Variants in NRXN3 observed in about 807,000 individuals in gnomAD.
NRXN3 encodes neurexin 3.
NRXN3 carries 32 observed loss-of-function variants against 137.6 expected under a neutral mutation model. The observed-to-expected ratio is 0.23, with a 90% CI of 0.18 to 0.31. NRXN3 has a LOEUF of 0.31. Ranked by LOEUF, NRXN3 falls within the 10% of genes least tolerant of loss-of-function variation. NRXN3 has a pLI of 1.00. For missense variants in NRXN3, 1,574 were observed against 2,062.5 expected (o/e 0.76, Z 4.59); for synonymous variants, 798 against 784.5 (o/e 1.02, Z -0.29).
chr14:79,748,567 C>G (rs1234819114), intron 19 of NRXN3, among the ~76,000 whole-genome samples: 1 of 152,100 alleles, frequency 6.6e-6, no homozygotes, highest in South Asian at 2.1e-4. Flanking sequence ...TGCTTGCCTC[C>G]TGCACAGTGC....
intron 15 of NRXN3, among the ~76,000 whole-genome samples, chr14:79,308,856 T>C (rs1005279793): frequency 1.0e-4 from 15 of 148,450 alleles, no homozygotes; most frequent in African/African-American, 3.7e-4. Flanking sequence ...TTTTTTTTTT[T>C]TTTTTTGTGA....
chr14:78,222,043 C>G (rs1412088353), intron 1 of NRXN3, among the ~76,000 whole-genome samples: 1 of 152,140 alleles, frequency 6.6e-6, no homozygotes, highest in Non-Finnish European at 1.5e-5. Context: ...GCATGAGGCC[C>G]TTGAATGATG....
chr14:79,293,817 T>C (rs1435659102), intron 15 of NRXN3, among the ~76,000 whole-genome samples: 1 of 152,220 alleles, frequency 6.6e-6, no homozygotes, highest in African/African-American at 2.4e-5. Flanking sequence ...AGAGGGGAAA[T>C]TCAGCATGCT....
At chr14:78,988,187 G>T (rs200268883) in intron 15 of NRXN3, 46 bp downstream of exon 15, 151 of 1,609,322 alleles carry the variant, frequency 9.4e-5, no homozygotes, top group Non-Finnish European at 1.3e-4. Flanking sequence ...AAGATGTTTG[G>T]AGATTTGGAG....
chr14:78,524,560 G>C (rs1366479406), intron 4 of NRXN3, among the ~76,000 whole-genome samples: 1 of 151,960 alleles, frequency 6.6e-6, no homozygotes, highest in Non-Finnish European at 1.5e-5. Context: ...TAGGGTGCAG[G>C]AATTTTTTTT....
At chr14:78,987,851 G>A (rs2099510235) in intron 14 of NRXN3, among the ~76,000 whole-genome samples, 171 bp from the exon 15 acceptor site, 1 of 152,128 alleles carries the variant, frequency 6.6e-6, no homozygotes, top group African/African-American at 2.4e-5. Context: ...GTCATCTTTT[G>A]TATATACTGA....
chr14:79,543,480 G>A (rs1370087945), intron 16 of NRXN3, among the ~76,000 whole-genome samples: 2 of 152,138 alleles, frequency 1.3e-5, no homozygotes, highest in Non-Finnish European at 2.9e-5. Context: ...AGGTTCTAGG[G>A]CCTGTGGTTT....
At chr14:78,743,461 C>T (rs1016414094) in intron 8 of NRXN3, among the ~76,000 whole-genome samples, 1 of 152,178 alleles carries the variant, frequency 6.6e-6, no homozygotes, top group African/African-American at 2.4e-5. Context: ...TTTTGTCTGC[C>T]TGGATAACTC....
chr14:78,924,453 C>G (rs1597433555), intron 10 of NRXN3, among the ~76,000 whole-genome samples: 1 of 152,204 alleles, frequency 6.6e-6, no homozygotes, highest in East Asian at 1.9e-4. Context: ...ACATAAAATA[C>G]AGACACCAGG....
chr14:79,701,358 A>G (rs544716755), intron 19 of NRXN3, among the ~76,000 whole-genome samples: 25 of 152,232 alleles, frequency 1.6e-4, no homozygotes, highest in African/African-American at 5.8e-4. Flanking sequence ...AAATTTGGGC[A>G]CAGTTCAGCA....
At chr14:79,753,280 T>G (rs1183795211) in intron 19 of NRXN3, among the ~76,000 whole-genome samples, 1 of 151,888 alleles carries the variant, frequency 6.6e-6, no homozygotes, top group Non-Finnish European at 1.5e-5. Context: ...CGTATGTTTA[T>G]TGCGGCACTA....
intron 20 of NRXN3, among the ~76,000 whole-genome samples, chr14:79,852,279 A>C (rs897327145): frequency 4.3e-5 from 6 of 140,456 alleles, no homozygotes; most frequent in African/African-American, 1.4e-4. Flanking sequence ...ACACACACAC[A>C]CCTCTCACAT....
At chr14:79,076,004 C>T (rs1446226392) in intron 15 of NRXN3, among the ~76,000 whole-genome samples, 2 of 152,190 alleles carry the variant, frequency 1.3e-5, no homozygotes, top group African/African-American at 2.4e-5. Flanking sequence ...CTGTACTAGT[C>T]AAGCACCTCC....
intron 6 of NRXN3, among the ~76,000 whole-genome samples, chr14:78,678,319 C>CTTTTTT (rs398025853): frequency 4.9e-5 from 7 of 143,230 alleles, no homozygotes; most frequent in Admixed American, 4.2e-4. Flanking sequence ...ATGCTCCATA[C>CTTTTTT]TTTTTTTTTT....
intron 10 of NRXN3, among the ~76,000 whole-genome samples, chr14:78,842,684 G>T (rs1411897788): frequency 6.6e-6 from 1 of 152,054 alleles, no homozygotes; most frequent in African/African-American, 2.4e-5. Context: ...GGAGATTGGG[G>T]CTTATTTCAT....
intron 15 of NRXN3, among the ~76,000 whole-genome samples, chr14:79,056,278 C>T (rs1374487204): frequency 6.6e-6 from 1 of 152,118 alleles, no homozygotes; most frequent in African/African-American, 2.4e-5. Flanking sequence ...TTACTGAGGG[C>T]ATAGTAAGGA....
chr14:78,658,394 G>A (rs1217837223), intron 6 of NRXN3, among the ~76,000 whole-genome samples: 1 of 152,048 alleles, frequency 6.6e-6, no homozygotes, highest in Non-Finnish European at 1.5e-5. Context: ...GACAAATGGA[G>A]GTGTTTTATA....
chr14:79,648,352 A>G (rs1396643629), intron 16 of NRXN3, among the ~76,000 whole-genome samples: 2 of 135,532 alleles, frequency 1.5e-5, no homozygotes, highest in African/African-American at 4.9e-5. Context: ...GTCCTACAGA[A>G]AATGTTGGCT....
chr14:79,271,151 A>T (rs977355363), intron 15 of NRXN3, among the ~76,000 whole-genome samples: 2 of 152,246 alleles, frequency 1.3e-5, no homozygotes, highest in Non-Finnish European at 1.5e-5. Context: ...GGATGTTCCC[A>T]GAATTAAATG....
Sources: allele counts gnomAD v4.1 joint callset (sites outside exome capture counted in the v4.1 genomes callset), GRCh38; gene constraint gnomAD v4.1.1; transcripts MANE v1.5; gene names NCBI Gene and HGNC (gene_info 2026-07-23, HGNC 2026-07-21).